Variants in FBN1 observed in about 807,000 individuals in gnomAD.
FBN1 encodes the protein fibrillin-1.
In FBN1, 29 loss-of-function variants were observed where a neutral mutation model predicts 365.1. The observed-to-expected ratio is 0.08, with a 90% CI of 0.06 to 0.11. The LOEUF is 0.11. FBN1 is among the 10% of genes least tolerant of loss of function. The probability of loss-of-function intolerance (pLI) is 1.00; values close to 1 mark genes in which losing one functional copy is unlikely to be tolerated. For missense variants in FBN1, 2,476 were observed against 3,703.2 expected (o/e 0.67, Z 8.60); for synonymous variants, 1,210 against 1,270.5 (o/e 0.95, Z 1.01).
intron 6 of FBN1, among the ~76,000 whole-genome samples, chr15:48,558,992 C>G (rs1034575645): frequency 1.3e-5 from 2 of 152,102 alleles, no homozygotes; most frequent in African/African-American, 4.8e-5. Context: ...CAAGAAGTGC[C>G]GATTATCTGA....
chr15:48,603,273 T>C (rs1244413653), intron 4 of FBN1, among the ~76,000 whole-genome samples: 1 of 152,212 alleles, frequency 6.6e-6, no homozygotes, highest in Non-Finnish European at 1.5e-5. Context: ...CAAGGAACCA[T>C]ATGCATGAAT....
chr15:48,614,813 A>C (rs1393969663), intron 2 of FBN1, among the ~76,000 whole-genome samples: 4 of 152,214 alleles, frequency 2.6e-5, no homozygotes. Context: ...ATATATGAAA[A>C]AGATGATGAA....
At chr15:48,441,496 A>C (rs1306628300) in intron 50 of FBN1, among the ~76,000 whole-genome samples, 1 of 152,148 alleles carries the variant, frequency 6.6e-6, no homozygotes, top group East Asian at 1.9e-4. Context: ...AGAGAGGTTT[A>C]TGTGTCAGTA....
rs772340153 is a variant in FBN1 at position 48,492,605 on chromosome 15, T to C, written c.2729-19A>G. The C allele has an allele frequency of 6.7e-7, 1 of 1,499,772 alleles. No individual in the cohort carries two copies. Among genetic ancestry groups the C allele is most frequent in the Non-Finnish European group, 9.2e-7 (1 of 1,083,138 alleles). 92.9% of individuals were successfully genotyped at this position (1,499,772 alleles called of 1,614,324 possible). A position where few individuals can be genotyped will look rare whatever the true frequency, so the allele number is the denominator to read the frequency against. On this transcript the variant is annotated intron_variant, in intron 23 of 65. Coordinates refer to ENST00000316623, the MANE Select transcript of FBN1 (RefSeq NM_000138.5). ...TCTATATCTAAAAAGAAAAAAAAAG[T>C]ATAAAGTTAATATATCTTTATAATA...
At chr15:48,505,185 C>A in intron 15 of FBN1, 38 bp from the exon 16 acceptor site, 1 of 1,613,016 alleles carries the variant, frequency 6.2e-7, no homozygotes, top group Non-Finnish European at 8.5e-7. Flanking sequence ...AATGAAGTGA[C>A]ATTTATCTAA....
intron 53 of FBN1, 38 bp from the exon 54 acceptor site, chr15:48,434,751 T>C: frequency 1.9e-6 from 3 of 1,609,300 alleles, no homozygotes; most frequent in Non-Finnish European, 2.5e-6. Context: ...ACATGATGAA[T>C]TGAGATAATA....
At chr15:48,426,340 T>C (rs1227222144) in intron 58 of FBN1, among the ~76,000 whole-genome samples, 1 of 152,188 alleles carries the variant, frequency 6.6e-6, no homozygotes, top group Admixed American at 6.5e-5. Flanking sequence ...TTATTTTTGT[T>C]GTCTTTGTGG....
At position 48,472,587 on chromosome 15, in the gene FBN1, C is replaced by T. The variant is rs1376442377; in HGVS notation, c.4300G>A (p.Gly1434Ser). ...TTCCCGTCAGCACTGGGCACGAAGC[C>T]CATGTCGCATTCACAGCGGTATCCT... ...PGGYRCECDM[G>S]FVPSADGKAC... The change falls in exon 35 of 66, where the codon GGC (glycine) becomes AGC (serine). Residue 1434 changes from glycine (G) to serine (S), a missense_variant. By Grantham distance (56) the Gly-to-Ser change is moderately conservative (BLOSUM62 0). This residue lies in a region of FBN1 where 1,780 missense variants were observed against 2,840.8 expected (regional missense o/e 0.63). Coordinates refer to ENST00000316623, the MANE Select transcript of FBN1 (RefSeq NM_000138.5). 1.2e-6 allele frequency: 2 copies of T among 1,614,078 alleles called. No homozygotes were observed. The highest frequency in any genetic ancestry group is 1.7e-6 in the Non-Finnish European group (2 of 1,180,032).
In FBN1 at chr15:48,468,022, C is replaced by T. The variant is rs760055928; in HGVS notation, c.4663G>A (p.Val1555Ile). 6.2e-7 allele frequency: 1 copy of T among 1,614,144 alleles called. No homozygotes were observed. The highest frequency in any genetic ancestry group is 8.5e-7 in the Non-Finnish European group (1 of 1,179,994). ...CAGCAGGAAGCTTTGGAAACACCAA[C>T]TCCAATTTCATTGCTGCAGGCTGTA... ...GDTACSNEIG[V>I]GVSKASCCCS... is the part of the protein sequence containing the mutation. The change falls in exon 38 of 66, where the codon GTT becomes ATT. Residue 1555 changes from valine to isoleucine, a missense_variant. Transcript: ENST00000316623.
rs114257402 is a variant in FBN1, at chr15:48,580,933, C to T, written c.538+15350G>A. On this transcript the variant is annotated intron_variant, in intron 6 of 65. Coordinates refer to ENST00000316623, the MANE Select transcript of FBN1 (RefSeq NM_000138.5). Reference sequence around the variant, plus strand: ...AAAACAGAGACTAAAACTGCATGCACTTGTATAGTGGGGCAGACAAGAGCC... The same window carrying T: ...AAAACAGAGACTAAAACTGCATGCATTTGTATAGTGGGGCAGACAAGAGCC... Among the ~76,000 whole-genome samples, 470 of 152,252 alleles carry T rather than the reference C, an allele frequency of 3.1e-3. 3 individuals carry two copies. The highest frequency in any genetic ancestry group is 0.011 in the African/African-American group (460 of 41,546).
chr15:48,495,517 C>T lies in FBN1; in HGVS notation c.2491G>A (p.Glu831Lys), dbSNP rs1444143450. ...CKNSPGSFIC[E>K]CSSESTLDPT... ...TCCAAAGTACTTTCAGAAGAACATTCACAAATAAAAGAGCCTGGGCTGTTC... is the reference window on the plus strand; with the variant it reads ...TCCAAAGTACTTTCAGAAGAACATTTACAAATAAAAGAGCCTGGGCTGTTC... The change falls in exon 21 of 66, where the codon GAA becomes AAA. Residue 831 changes from glutamate to lysine, a missense_variant. Physicochemically the swap from Glu to Lys is moderately conservative, Grantham distance 56. This residue lies in a region of FBN1 where 1,780 missense variants were observed against 2,840.8 expected (regional missense o/e 0.63). Coordinates refer to ENST00000316623, the MANE Select transcript of FBN1 (RefSeq NM_000138.5). 6.2e-7 allele frequency: 1 copy of T among 1,614,026 alleles called. No homozygotes were observed. Among genetic ancestry groups the T allele is most frequent in the Non-Finnish European group, 8.5e-7 (1 of 1,179,974 alleles).
intron 11 of FBN1, 35 bp downstream of exon 11, chr15:48,516,148 C>T (rs376309856): frequency 2.5e-6 from 4 of 1,575,590 alleles, no homozygotes; most frequent in Non-Finnish European, 3.5e-6. Context: ...TTGAACAATG[C>T]AAGAAAAATA....
rs181692463 is a variant in FBN1 at position 48,515,917 on chromosome 15, C to T, written c.1327+266G>A. ...CTTTCTGTGAATCAGATTTAACTAT[C>T]GCCCATAACTCTCCCATAGTTGCCT... On this transcript the variant is annotated intron_variant, in intron 11 of 65. Coordinates refer to ENST00000316623, the MANE Select transcript of FBN1 (RefSeq NM_000138.5). Among the ~76,000 whole-genome samples, 155 of 152,264 alleles carry T rather than the reference C, an allele frequency of 1.0e-3. No individual in the cohort carries two copies. In the Middle Eastern group the frequency reaches 0.014, roughly 13 times the overall value.
At chr15:48,524,363 A>G (rs1161565165) in intron 9 of FBN1, among the ~76,000 whole-genome samples, 2 of 152,308 alleles carry the variant, frequency 1.3e-5, no homozygotes, top group South Asian at 2.1e-4. Context: ...GAGGTTTTCT[A>G]TTGGTGAGAC....
In FBN1 at chr15:48,508,577, C is replaced by T. The variant is rs1445085747; in HGVS notation, c.1837+5G>A. On this transcript the variant is annotated splice_donor_5th_base_variant and intron_variant, in intron 15 of 65. Transcript: ENST00000316623. ...GAACATGATCTAGGGTTTTATAGCACGAACCTTTGCAATAACGTCCATCTG... is the reference window on the plus strand; with the variant it reads ...GAACATGATCTAGGGTTTTATAGCATGAACCTTTGCAATAACGTCCATCTG... 1.2e-6 allele frequency: 2 copies of T among 1,613,632 alleles called. No homozygotes were observed. Among genetic ancestry groups the T allele is most frequent in the South Asian group, 1.1e-5 (1 of 91,060 alleles).
At chr15:48,492,999 A>G (rs1323471757) in intron 23 of FBN1, among the ~76,000 whole-genome samples, 1 of 152,232 alleles carries the variant, frequency 6.6e-6, no homozygotes, top group African/African-American at 2.4e-5. Flanking sequence ...AGTTCAGCAT[A>G]GAAAAATATC....
rs77143634 is a variant in FBN1, at chr15:48,465,956, C to T, written c.4748-98G>A. 1.4e-3 allele frequency: 1,197 copies of T among 842,274 alleles called. 7 individuals are homozygous for T. The African/African-American group carries it at 0.018, about 13-fold the overall frequency. The allele number at this position is 842,274 out of a possible 1,614,324, so 52.2% of individuals were successfully genotyped here. A position where few individuals can be genotyped will look rare whatever the true frequency, so the allele number is the denominator to read the frequency against. On this transcript the variant is annotated intron_variant, in intron 38 of 65. Transcript: ENST00000316623. ...ACTCACATATCCAACTGAAAATGTT[C>T]ATTTTCAGGAATCTTTAGTTGTTAC...
intron 50 of FBN1, among the ~76,000 whole-genome samples, chr15:48,439,381 T>C (rs1382694554): frequency 2.0e-5 from 3 of 152,204 alleles, no homozygotes; most frequent in Non-Finnish European, 4.4e-5. Context: ...TAAAAGTCAA[T>C]CCTGCGGCAT....
chr15:48,436,972 T>C lies in FBN1; in HGVS notation c.6485A>G (p.Asn2162Ser), dbSNP rs780079004. 1.9e-6 allele frequency: 3 copies of C among 1,595,722 alleles called. No homozygotes were observed. The highest frequency in any genetic ancestry group is 2.2e-5 in the South Asian group (2 of 90,736). Reference sequence around the variant, plus strand: ...AACTTATTACTCACCTACACATTCATTCCCTGCTAGAATATAACCAAAGGG... The same window carrying C: ...AACTTATTACTCACCTACACATTCACTCCCTGCTAGAATATAACCAAAGGG... ...ECPFGYILAG[N>S]ECVDTDECSV... The change falls in exon 53 of 66, where the codon AAT (asparagine) becomes AGT (serine). Residue 2162 changes from asparagine to serine, a missense_variant. This residue lies in a region of FBN1 where 1,780 missense variants were observed against 2,840.8 expected (regional missense o/e 0.63). Transcript: ENST00000316623.
Sources: allele counts gnomAD v4.1 joint callset (sites outside exome capture counted in the v4.1 genomes callset), GRCh38; gene constraint gnomAD v4.1.1; regional missense constraint gnomAD v4.1.1; transcripts MANE v1.5; gene names NCBI Gene and HGNC (gene_info 2026-07-23, HGNC 2026-07-21).